The following ZNF385B variants were observed in gnomAD, a reference collection of about 807,000 sequenced individuals.
The protein encoded by ZNF385B is zinc finger protein 385B.
In ZNF385B, 23 loss-of-function variants were observed where a neutral mutation model predicts 39.2. The observed-to-expected ratio is 0.59, with a 90% CI of 0.42 to 0.83. The LOEUF (loss-of-function observed/expected upper bound fraction) is 0.83, where lower values mean the gene tolerates loss of function less well. Ranked by LOEUF, ZNF385B falls within the 40% of genes least tolerant of loss-of-function variation. ZNF385B has a pLI of 0.00. For missense variants in ZNF385B, 552 were observed against 598.9 expected, an observed-to-expected ratio of 0.92 and a Z score of 0.82; for synonymous variants, 205 against 222.6, an observed-to-expected ratio of 0.92 and a Z score of 0.70.
intron 3 of ZNF385B, among the ~76,000 whole-genome samples, chr2:179,629,188 C>T (rs1019649190): frequency 2.0e-5 from 3 of 152,136 alleles, no homozygotes; most frequent in African/African-American, 7.2e-5. Flanking sequence ...TGGGAAGTGG[C>T]TCTGCCCACC....
intron 3 of ZNF385B, among the ~76,000 whole-genome samples, chr2:179,662,684 T>C (rs1694634430): frequency 6.6e-6 from 1 of 152,318 alleles, no homozygotes; most frequent in African/African-American, 2.4e-5. Context: ...TGGATGTCTA[T>C]TTAAGTGAAT....
Position 179,580,446 on chromosome 2 carries a change from T to C in ZNF385B, c.299-35477A>G, listed in dbSNP as rs545186684. Among the ~76,000 whole-genome samples the C allele has an allele frequency of 8.5e-5, 13 of 152,320 alleles. No individual in the cohort carries two copies. The Middle Eastern group carries it at 0.01, about 120-fold the overall frequency. ...ATAAATGAAAGAAAGACCAGTGTTA[T>C]GGACTGAGTATTTATGTCCCCCTTA... On this transcript the variant is annotated intron_variant, in intron 3 of 9. Transcript: ENST00000410066.
Position 179,443,427 on chromosome 2 carries a change from G to C in ZNF385B, c.1284C>G (p.Ala428=). ...AFQKDMMKPL[A]PAFLSSPLAA... is the part of the protein sequence containing the mutation. ...CGAGAGGTGAGGACAGGAAGGCTGG[G>C]GCCAAAGGCTTCATCATATCTTTCT... The change falls in exon 10 of 10, where the codon GCC becomes GCG. Residue 428 remains alanine, a synonymous_variant. Coordinates refer to ENST00000410066, the MANE Select transcript of ZNF385B (RefSeq NM_152520.6). 1 of 1,610,068 alleles carries C rather than the reference G, an allele frequency of 6.2e-7. No homozygotes were observed. Among genetic ancestry groups the C allele is most frequent in the Non-Finnish European group, 8.5e-7 (1 of 1,178,232 alleles).
chr2:179,618,569 T>G (rs757852656), intron 3 of ZNF385B, among the ~76,000 whole-genome samples: 1 of 152,174 alleles, frequency 6.6e-6, no homozygotes, highest in African/African-American at 2.4e-5. Context: ...GTCTTATTTT[T>G]CATTTTGCCA....
At chr2:179,847,146 A>T (rs2106623461) in intron 1 of ZNF385B, among the ~76,000 whole-genome samples, 1 of 152,280 alleles carries the variant, frequency 6.6e-6, no homozygotes, top group East Asian at 1.9e-4. Flanking sequence ...TCTGCTACAC[A>T]TTCTATTCTT....
rs143005079 is a variant in ZNF385B, at chr2:179,685,984, G to C, written c.298+83519C>G. Among the ~76,000 whole-genome samples the C allele has an allele frequency of 1.6e-4, 24 of 152,256 alleles. No homozygotes were observed. The East Asian group carries it at 4.6e-3, about 29-fold the overall frequency. On this transcript the variant is annotated intron_variant, in intron 3 of 9. Coordinates refer to ENST00000410066, the MANE Select transcript of ZNF385B (RefSeq NM_152520.6). ...GGCTGCCTTCTATTAATTGGGAAGG[G>C]AGTGGAGACCACCTCCTCTCTATTT...
At chr2:179,557,835 T>C (rs1448774396) in intron 3 of ZNF385B, among the ~76,000 whole-genome samples, 1 of 151,996 alleles carries the variant, frequency 6.6e-6, no homozygotes, top group Admixed American at 6.6e-5. Context: ...GTAATGAACA[T>C]AGTACCTGAT....
At chr2:179,720,166 C>T (rs1432096982) in intron 3 of ZNF385B, among the ~76,000 whole-genome samples, 1 of 152,024 alleles carries the variant, frequency 6.6e-6, no homozygotes, top group African/African-American at 2.4e-5. Flanking sequence ...CTCAATAATG[C>T]CTTCTCTCAA....
chr2:179,559,024 A>T (rs536969586), intron 3 of ZNF385B, among the ~76,000 whole-genome samples: 1 of 152,340 alleles, frequency 6.6e-6, no homozygotes, highest in South Asian at 2.1e-4. Flanking sequence ...AAGAAAGAGC[A>T]GTGAGTTTGG....
intron 1 of ZNF385B, among the ~76,000 whole-genome samples, chr2:179,817,793 G>A (rs1707159056): frequency 6.6e-6 from 1 of 152,124 alleles, no homozygotes; most frequent in Non-Finnish European, 1.5e-5. Context: ...GTGTGTCTGT[G>A]TGTGTGCATG....
At chr2:179,566,977 C>A (rs545901905) in intron 3 of ZNF385B, among the ~76,000 whole-genome samples, 1 of 144,348 alleles carries the variant, frequency 6.9e-6, no homozygotes, top group Non-Finnish European at 1.5e-5. Flanking sequence ...TGCAGTGGTG[C>A]GATCTCGGCT....
At chr2:179,493,424 T>C (rs985795120) in intron 5 of ZNF385B, among the ~76,000 whole-genome samples, 6 of 151,604 alleles carry the variant, frequency 4.0e-5, no homozygotes, top group East Asian at 1.9e-4. Context: ...AATGCATGTG[T>C]ACATATATGT....
chr2:179,642,052 C>T (rs954173510), intron 3 of ZNF385B, among the ~76,000 whole-genome samples: 4 of 152,054 alleles, frequency 2.6e-5, no homozygotes, highest in African/African-American at 9.7e-5. Flanking sequence ...CCATATGAAA[C>T]TGACGACTGA....
chr2:179,575,742 G>C (rs1215421020), intron 3 of ZNF385B, among the ~76,000 whole-genome samples: 1 of 152,110 alleles, frequency 6.6e-6, no homozygotes, highest in Non-Finnish European at 1.5e-5. Flanking sequence ...TCTGCATGAA[G>C]AATAAGTGGT....
At chr2:179,678,462 T>G (rs1348472926) in intron 3 of ZNF385B, among the ~76,000 whole-genome samples, 1 of 152,162 alleles carries the variant, frequency 6.6e-6, no homozygotes, top group Non-Finnish European at 1.5e-5. Flanking sequence ...TGCCTGTGCT[T>G]CTTTCCTTCT....
At chr2:179,850,474 G>T (rs1297922845) in intron 1 of ZNF385B, among the ~76,000 whole-genome samples, 2 of 152,284 alleles carry the variant, frequency 1.3e-5, no homozygotes, top group Non-Finnish European at 2.9e-5. Flanking sequence ...CCCACCCACT[G>T]AATCTGGTTG....
At position 179,641,836 on chromosome 2, in the gene ZNF385B, T is replaced by C. The variant is rs577323217; in HGVS notation, c.299-96867A>G. On this transcript the variant is annotated intron_variant, in intron 3 of 9. Transcript: ENST00000410066. ...AGAAGCCACAGTGTAGAATGGACAA[T>C]GATCAGAGGCTCTCTTGTGTCCTGA... is the stretch of plus-strand genomic sequence containing the variant. Among the ~76,000 whole-genome samples, 32 of 152,232 alleles carry C rather than the reference T, an allele frequency of 2.1e-4. No individual in the cohort carries two copies. The East Asian group carries it at 6.2e-3, about 29-fold the overall frequency.
At chr2:179,471,856 G>A (rs1517710) in intron 6 of ZNF385B, among the ~76,000 whole-genome samples, 16,068 of 152,172 alleles carry the variant, frequency 0.11, 944 homozygotes, top group East Asian at 0.13. Context: ...GTCTGTGCCC[G>A]TCATTTCATT....
chr2:179,819,392 C>G lies in ZNF385B; in HGVS notation c.-155+41709G>C, dbSNP rs565275506. ...GCCTCCCTCATGACATCACCTCCCC[C>G]TCTACCACATCATCCATCTATCACC... On this transcript the variant is annotated intron_variant, in intron 1 of 9. Transcript: ENST00000410066. 3.9e-5 allele frequency among the ~76,000 whole-genome samples: 6 copies of G among 152,252 alleles called. No individual in the cohort carries two copies. The East Asian group carries it at 1.2e-3, about 29-fold the overall frequency.
Sources: allele counts gnomAD v4.1 joint callset (sites outside exome capture counted in the v4.1 genomes callset), GRCh38; gene constraint gnomAD v4.1.1; transcripts MANE v1.5; gene names NCBI Gene and HGNC (gene_info 2026-07-23, HGNC 2026-07-21).